BCL2L14: variants seen among roughly 807,000 people sequenced by gnomAD.
BCL2L14 encodes the protein BCL2 like 14, also known as apoptosis facilitator Bcl-2-like protein 14.
BCL2L14 carries 27 observed loss-of-function variants against 35.3 expected under a neutral mutation model. That is an observed-to-expected ratio of 0.76 (90% confidence interval 0.56 to 1.05). The LOEUF is 1.05. BCL2L14 is among the 50% of genes least tolerant of loss of function. The pLI, the probability that BCL2L14 is intolerant of heterozygous loss-of-function variation, is 0.00. For missense variants in BCL2L14, 377 were observed against 382.6 expected, an observed-to-expected ratio of 0.99 and a Z score of 0.12; for synonymous variants, 139 against 145.9, an observed-to-expected ratio of 0.95 and a Z score of 0.34.
upstream of BCL2L14, chr12:12,068,025 C>T (rs756927019): frequency 2.7e-4 from 105 of 390,390 alleles, no homozygotes; most frequent in Non-Finnish European, 4.4e-4. Context: ...CTCAAGCCCC[C>T]GGCCCCCTGC....
At chr12:12,058,112 C>G (rs1482922577) in intron 2 of BCL2L14, among the ~76,000 whole-genome samples, 1 of 151,710 alleles carries the variant, frequency 6.6e-6, no homozygotes, top group African/African-American at 2.4e-5. Flanking sequence ...CCACGCCCAG[C>G]TAAATTTTTT....
intron 1 of BCL2L14, among the ~76,000 whole-genome samples, chr12:12,050,807 AAAAAAAG>A (rs1176882683): frequency 2.1e-5 from 3 of 145,010 alleles, no homozygotes; most frequent in African/African-American, 7.5e-5. Flanking sequence ...AAAAAAAAAA[AAAAAAAG>A]AAAAGAAAAG....
intron 2 of BCL2L14, among the ~76,000 whole-genome samples, chr12:12,081,031 A>C (rs929429598): frequency 6.6e-6 from 1 of 151,940 alleles, no homozygotes; most frequent in African/African-American, 2.4e-5. Flanking sequence ...CAAAAAATAC[A>C]AAAAAATTAG....
At chr12:12,095,280 A>G (rs1184725141) in intron 5 of BCL2L14, 1 of 985,266 alleles carries the variant, frequency 1.0e-6, no homozygotes, top group African/African-American at 1.7e-5. Flanking sequence ...GCAGGGAGAC[A>G]AGGGCAGGCA....
intron 3 of BCL2L14, 76 bp from the exon 4 acceptor site, chr12:12,090,703 C>G: frequency 8.9e-7 from 1 of 1,125,372 alleles, no homozygotes; most frequent in South Asian, 1.4e-5. Context: ...AAGCCACAAG[C>G]ATTCATTGTC....
rs749632790 is a variant in BCL2L14 at position 12,094,803 on chromosome 12, C to T, written c.818C>T (p.Ala273Val). 8.1e-6 allele frequency: 13 copies of T among 1,614,174 alleles called. No individual in the cohort carries two copies. The highest frequency in any genetic ancestry group is 1.1e-5 in the Non-Finnish European group (13 of 1,180,034). ...SEVKAQGFKAALVIDVTAKLT... is the reference protein window; with the variant it reads ...SEVKAQGFKAVLVIDVTAKLT... ...GTCAAAGCTCAGGGCTTTAAGGCTG[C>T]CCTTGTAATAGACGTCACGGCCAAG... The change falls in exon 5 of 6, where the codon GCC becomes GTC. Residue 273 changes from alanine (A) to valine (V), a missense_variant. Ala to Val is a moderately conservative substitution (Grantham distance 64). Coordinates refer to ENST00000308721, the MANE Select transcript of BCL2L14 (RefSeq NM_138723.2).
At chr12:12,058,138 G>C (rs968017026) in intron 2 of BCL2L14, among the ~76,000 whole-genome samples, 1 of 151,974 alleles carries the variant, frequency 6.6e-6, no homozygotes, top group African/African-American at 2.4e-5. Context: ...TTTTAGTAGC[G>C]ACGAGGTTTC....
chr12:12,078,184 G>A, intron 1 of BCL2L14: 1 of 166,554 alleles, frequency 6.0e-6, no homozygotes, highest in South Asian at 1.4e-4. Flanking sequence ...TTCGTAAAAA[G>A]TAAAATAAAA....
Position 12,079,785 on chromosome 12 carries a change from T to C in BCL2L14, c.433+47T>C, listed in dbSNP as rs936411767. 1.9e-6 allele frequency: 3 copies of C among 1,573,364 alleles called. No homozygotes were observed. The African/African-American group carries it at 4.1e-5, about 21-fold the overall frequency. On this transcript the variant is annotated intron_variant, in intron 2 of 5. Transcript: ENST00000308721. The stretch of plus-strand genomic sequence containing the variant: ...CTCTCCCGCTTCCTGGTTTTTCCCT[T>C]CTTTGTGTCCAGAGTGGTACATCTC...
intron 2 of BCL2L14, among the ~76,000 whole-genome samples, chr12:12,063,791 G>A: frequency 6.6e-6 from 1 of 152,106 alleles, no homozygotes; most frequent in East Asian, 1.9e-4. Context: ...CAAAAGACGT[G>A]AAAATGGCCT....
upstream of BCL2L14, among the ~76,000 whole-genome samples, chr12:12,069,569 T>G (rs752622590): frequency 6.8e-4 from 102 of 150,942 alleles, no homozygotes; most frequent in Middle Eastern, 3.4e-3. Context: ...TTATCCAGGC[T>G]TGGTGGCGGG....
intron 5 of BCL2L14, among the ~76,000 whole-genome samples, chr12:12,098,587 T>A (rs967874493): frequency 1.3e-5 from 2 of 152,176 alleles, no homozygotes; most frequent in Non-Finnish European, 2.9e-5. Flanking sequence ...ATTCACATAG[T>A]TACCCTGCAG....
At chr12:12,094,153 C>T (rs1472352174) in intron 4 of BCL2L14, among the ~76,000 whole-genome samples, 4 of 151,368 alleles carry the variant, frequency 2.6e-5, no homozygotes, top group Non-Finnish European at 5.9e-5. Context: ...AGTATCAATA[C>T]TATCACCATC....
chr12:12,080,000 T>G (rs575082249), intron 2 of BCL2L14, among the ~76,000 whole-genome samples: 25 of 151,822 alleles, frequency 1.6e-4, no homozygotes, highest in African/African-American at 4.3e-4. Context: ...GTCAGGAGAT[T>G]GAGACCATCC....
At chr12:12,079,794 CCA>C in intron 2 of BCL2L14, 56 bp downstream of exon 2, 3 of 1,540,080 alleles carry the variant, frequency 1.9e-6, no homozygotes, top group Non-Finnish European at 1.8e-6. Flanking sequence ...TTCTTTGTGT[CCA>C]GAGTGGTACA....
Position 12,094,808 on chromosome 12 carries a change from G to C in BCL2L14, c.823G>C (p.Val275Leu). Residue 275 changes from valine to leucine, a missense_variant, in exon 5 of 6, where the codon GTA becomes CTA. Val to Leu is a conservative substitution (Grantham distance 32). Transcript: ENST00000308721. ...VKAQGFKAAL[V>L]IDVTAKLTAI... ...AGCTCAGGGCTTTAAGGCTGCCCTT[G>C]TAATAGACGTCACGGCCAAGCTCAC... The C allele has an allele frequency of 1.2e-6, 2 of 1,614,214 alleles. No homozygotes were observed. Among genetic ancestry groups the C allele is most frequent in the Non-Finnish European group, 1.7e-6 (2 of 1,180,042 alleles).
At chr12:12,079,165 C>A in intron 1 of BCL2L14, 134 bp from the exon 2 acceptor site, 2 of 736,060 alleles carry the variant, frequency 2.7e-6, no homozygotes, top group Non-Finnish European at 4.4e-6. Context: ...TGTGGCTTTT[C>A]CCTCTCTACC....
At chr12:12,080,347 G>A (rs2160522) in intron 2 of BCL2L14, among the ~76,000 whole-genome samples, 13,478 of 152,144 alleles carry the variant, frequency 0.089, 738 homozygotes, top group East Asian at 0.24. Context: ...GAGGCTAGGC[G>A]CAGTGGCTCA....
chr12:12,086,798 T>C (rs956890696), intron 2 of BCL2L14, among the ~76,000 whole-genome samples: 2 of 152,224 alleles, frequency 1.3e-5, no homozygotes, highest in Non-Finnish European at 2.9e-5. Flanking sequence ...AATTATCGAA[T>C]GTCCTCCTAT....
Sources: allele counts gnomAD v4.1 joint callset (sites outside exome capture counted in the v4.1 genomes callset), GRCh38; gene constraint gnomAD v4.1.1; transcripts MANE v1.5; gene names NCBI Gene and HGNC (gene_info 2026-07-23, HGNC 2026-07-21).